The following IL1RAPL2 variants were observed in gnomAD, a reference collection of about 807,000 sequenced individuals.
IL1RAPL2 encodes interleukin 1 receptor accessory protein like 2, also known as X-linked interleukin-1 receptor accessory protein-like 2.
Under a neutral mutation model 44.1 loss-of-function variants are expected in IL1RAPL2, and 3 were observed. That is an observed-to-expected ratio of 0.07 (90% CI 0.03 to 0.18). IL1RAPL2 has a LOEUF of 0.18. Ranked by LOEUF, IL1RAPL2 falls within the 10% of genes least tolerant of loss-of-function variation. The pLI is 1.00. For missense variants in IL1RAPL2, 391 were observed against 496.4 expected (o/e 0.79, Z 2.02); for synonymous variants, 181 against 178.8 (o/e 1.01, Z -0.10).
intron 5 of IL1RAPL2, among the ~76,000 whole-genome samples, chrX:105,344,909 G>A (rs1311397882): frequency 8.9e-6 from 1 of 111,749 alleles, no homozygotes; most frequent in Non-Finnish European, 1.9e-5. Context: ...ATGCCATGAA[G>A]TATGACTATG....
At chrX:104,823,907 A>G (rs1440489994) in intron 2 of IL1RAPL2, among the ~76,000 whole-genome samples, 1 of 111,995 alleles carries the variant, frequency 8.9e-6, no homozygotes, top group African/African-American at 3.2e-5. Flanking sequence ...TGCCCTAGCC[A>G]GAACTTCCAA....
intron 6 of IL1RAPL2, among the ~76,000 whole-genome samples, chrX:105,704,768 T>C (rs975890563): frequency 1.7e-4 from 19 of 110,945 alleles, no homozygotes; most frequent in East Asian, 5.7e-4. Flanking sequence ...TTTCCTAATG[T>C]TCTCCCTCCC....
At chrX:105,067,251 T>A (rs2032149455) in intron 2 of IL1RAPL2, among the ~76,000 whole-genome samples, 1 of 110,043 alleles carries the variant, frequency 9.1e-6, no homozygotes, top group Non-Finnish European at 1.9e-5. Context: ...TGCGCGCACA[T>A]ACACACATGC....
intron 1 of IL1RAPL2, among the ~76,000 whole-genome samples, chrX:104,634,982 G>A (rs1287176446): frequency 6.3e-5 from 7 of 111,409 alleles, no homozygotes; most frequent in African/African-American, 2.0e-4. Context: ...GGCTGGTACT[G>A]ACTGTTCCTT....
intron 2 of IL1RAPL2, among the ~76,000 whole-genome samples, chrX:104,838,403 G>C (rs944226829): frequency 9.0e-6 from 1 of 111,016 alleles, no homozygotes; most frequent in African/African-American, 3.3e-5. Context: ...TTATTTCCTT[G>C]AGCAGCAGTT....
chrX:104,608,662 C>CTTTTTT (rs60105376), intron 1 of IL1RAPL2, among the ~76,000 whole-genome samples: 10 of 58,529 alleles, frequency 1.7e-4, no homozygotes, highest in Non-Finnish European at 2.3e-4. Flanking sequence ...GCAACCCCTG[C>CTTTTTT]TTTTTTTTTT....
chrX:105,139,146 A>G (rs2033103678), intron 2 of IL1RAPL2, among the ~76,000 whole-genome samples: 1 of 111,947 alleles, frequency 8.9e-6, no homozygotes, highest in South Asian at 3.7e-4. Context: ...ATTCACATGT[A>G]TTATCTCATC....
At chrX:104,842,599 CGTT>C (rs1227289266) in intron 2 of IL1RAPL2, among the ~76,000 whole-genome samples, 1 of 112,094 alleles carries the variant, frequency 8.9e-6, no homozygotes, top group Non-Finnish European at 1.9e-5. Context: ...CTTTTGATGT[CGTT>C]GTTGTTGTCA....
At position 104,951,133 on chromosome X, in the gene IL1RAPL2, C is replaced by T. The variant is rs1443847387; in HGVS notation, c.83-244342C>T. Among the ~76,000 whole-genome samples the T allele has an allele frequency of 8.9e-5, 10 of 111,964 alleles. 1 individual carries two copies. Among genetic ancestry groups the T allele is most frequent in the African/African-American group, 2.9e-4 (9 of 30,846 alleles). ...CTCAGATGGAAATGCAGAAATCACC[C>T]GTCTTCTGCGTCACTCACGCTGGGA... On this transcript the variant is annotated intron_variant, in intron 2 of 10. Coordinates refer to ENST00000372582, the MANE Select transcript of IL1RAPL2 (RefSeq NM_017416.2).
At chrX:105,620,263 G>A (rs2037410231) in intron 6 of IL1RAPL2, among the ~76,000 whole-genome samples, 2 of 111,461 alleles carry the variant, frequency 1.8e-5, no homozygotes, top group South Asian at 3.7e-4. Flanking sequence ...CTTAACACAT[G>A]TAAATGAACA....
At chrX:105,465,512 C>T (rs1341145854) in intron 5 of IL1RAPL2, among the ~76,000 whole-genome samples, 1 of 111,783 alleles carries the variant, frequency 8.9e-6, no homozygotes, top group African/African-American at 3.2e-5. Context: ...TAAAGACAGA[C>T]TTGCTTTTAC....
rs757529712 is a variant in IL1RAPL2 at position 104,582,634 on chromosome X, T to C, written c.-20+15583T>C. 1.9e-3 allele frequency among the ~76,000 whole-genome samples: 166 copies of C among 87,586 alleles called. 3 individuals carry two copies. Among genetic ancestry groups the C allele is most frequent in the African/African-American group, 8.9e-3 (158 of 17,850 alleles). 76.1% of individuals were successfully genotyped at this position (87,586 alleles called of 115,157 possible). A position where few individuals can be genotyped will look rare whatever the true frequency, so the allele number is the denominator to read the frequency against. Reference sequence around the variant, plus strand: ...TTTCTTTCTTTCTTTCTTTCTTTCTTTCTTTCTCTCTTTCTTTCTTTCTTT... The same window carrying C: ...TTTCTTTCTTTCTTTCTTTCTTTCTCTCTTTCTCTCTTTCTTTCTTTCTTT... On this transcript the variant is annotated intron_variant, in intron 1 of 10. Coordinates refer to ENST00000372582, the MANE Select transcript of IL1RAPL2 (RefSeq NM_017416.2).
chrX:105,167,118 C>A (rs894473369), intron 2 of IL1RAPL2, among the ~76,000 whole-genome samples: 5 of 112,264 alleles, frequency 4.5e-5, no homozygotes, highest in African/African-American at 1.6e-4. Flanking sequence ...CTTCTCTCAT[C>A]TCTTATCTGA....
intron 2 of IL1RAPL2, among the ~76,000 whole-genome samples, chrX:105,116,809 T>G (rs1392457809): frequency 8.9e-6 from 1 of 112,804 alleles, no homozygotes; most frequent in African/African-American, 3.2e-5. Flanking sequence ...ATGCCTTTCA[T>G]TCTTTTCAGG....
At chrX:105,323,903 C>T (rs1008690329) in intron 5 of IL1RAPL2, among the ~76,000 whole-genome samples, 4 of 110,809 alleles carry the variant, frequency 3.6e-5, no homozygotes, top group Non-Finnish European at 7.6e-5. Flanking sequence ...CACAGACACA[C>T]ACACACACAC....
At chrX:105,032,265 C>T (rs1374462423) in intron 2 of IL1RAPL2, among the ~76,000 whole-genome samples, 1 of 108,293 alleles carries the variant, frequency 9.2e-6, no homozygotes, top group Non-Finnish European at 1.9e-5. Context: ...TTGCCTTCTG[C>T]TAGCTTTTGA....
intron 2 of IL1RAPL2, among the ~76,000 whole-genome samples, chrX:104,715,378 A>T (rs1602693720): frequency 1.1e-5 from 1 of 92,015 alleles, no homozygotes; most frequent in African/African-American, 4.0e-5. Flanking sequence ...TTTTTTCTTC[A>T]TTACTCTAGC....
intron 1 of IL1RAPL2, among the ~76,000 whole-genome samples, chrX:104,585,579 A>C (rs1311646415): frequency 1.0e-5 from 1 of 96,858 alleles, no homozygotes; most frequent in Non-Finnish European, 2.0e-5. Flanking sequence ...TATTTTTCTC[A>C]TCTTCTCCCT....
At chrX:105,473,532 T>C (rs770812363) in intron 5 of IL1RAPL2, among the ~76,000 whole-genome samples, 3 of 112,349 alleles carry the variant, frequency 2.7e-5, no homozygotes, top group Non-Finnish European at 3.8e-5. Flanking sequence ...AAACTTTTGA[T>C]TTTTTGAAAA....
Sources: allele counts gnomAD v4.1 joint callset (sites outside exome capture counted in the v4.1 genomes callset), GRCh38; gene constraint gnomAD v4.1.1; transcripts MANE v1.5; gene names NCBI Gene and HGNC (gene_info 2026-07-23, HGNC 2026-07-21).